CCDC192: variants seen among roughly 807,000 people sequenced by gnomAD.
CCDC192 encodes the protein coiled-coil domain-containing protein 192.
intron 2 of CCDC192, among the ~76,000 whole-genome samples, chr5:127,751,519 G>A (rs9763035): frequency 4.6e-5 from 7 of 152,016 alleles, no homozygotes; most frequent in Non-Finnish European, 1.0e-4. Context: ...TGAGGGTAAC[G>A]TGACCTTTCT....
intron 5 of CCDC192, among the ~76,000 whole-genome samples, chr5:127,822,023 T>A (rs1033967193): frequency 6.6e-6 from 1 of 152,216 alleles, no homozygotes; most frequent in Non-Finnish European, 1.5e-5. Flanking sequence ...AACTCTGGCA[T>A]TTTCCTCCGC....
chr5:127,739,809 C>T (rs1484285735), intron 2 of CCDC192: 1 of 152,982 alleles, frequency 6.5e-6, no homozygotes, highest in African/African-American at 2.4e-5. Context: ...TGTGCGCACC[C>T]ACTGACCTGC....
chr5:127,824,211 TA>T (rs1749421242), intron 5 of CCDC192, among the ~76,000 whole-genome samples: 1 of 152,170 alleles, frequency 6.6e-6, no homozygotes, highest in South Asian at 2.1e-4. Flanking sequence ...CTTGAGACAC[TA>T]ACAATAATAT....
At chr5:127,864,976 T>C (rs1048902930) in intron 5 of CCDC192, among the ~76,000 whole-genome samples, 1 of 152,122 alleles carries the variant, frequency 6.6e-6, no homozygotes, top group African/African-American at 2.4e-5. Context: ...TGAAACCCCG[T>C]CTCTATTAAA....
intron 5 of CCDC192, among the ~76,000 whole-genome samples, chr5:127,822,489 T>C (rs1201140628): frequency 6.6e-6 from 1 of 152,016 alleles, no homozygotes; most frequent in African/African-American, 2.4e-5. Flanking sequence ...GCAAATAAAC[T>C]TGTAAATATA....
At chr5:127,820,279 G>A (rs965062057) in intron 5 of CCDC192, among the ~76,000 whole-genome samples, 1 of 152,178 alleles carries the variant, frequency 6.6e-6, no homozygotes, top group African/African-American at 2.4e-5. Context: ...TAATATAAAG[G>A]CATATAAATT....
At chr5:127,845,614 A>G (rs1294244822) in intron 5 of CCDC192, among the ~76,000 whole-genome samples, 1 of 152,204 alleles carries the variant, frequency 6.6e-6, no homozygotes, top group Non-Finnish European at 1.5e-5. Context: ...TCATCAAGCA[A>G]ATCATTTCAA....
At chr5:127,914,001 AG>A (rs566026719) in intron 6 of CCDC192, among the ~76,000 whole-genome samples, 33 of 152,298 alleles carry the variant, frequency 2.2e-4, no homozygotes, top group Non-Finnish European at 3.2e-4. Flanking sequence ...AAAAATGGAG[AG>A]GGGGGTAGAA....
At chr5:127,778,138 G>A (rs151222968) in intron 3 of CCDC192, among the ~76,000 whole-genome samples, 2 of 152,098 alleles carry the variant, frequency 1.3e-5, no homozygotes, top group Non-Finnish European at 2.9e-5. Flanking sequence ...GCTCTAGCTA[G>A]GACTTTCAGT....
At chr5:127,764,326 A>G (rs181889605) in intron 3 of CCDC192, among the ~76,000 whole-genome samples, 178 of 152,322 alleles carry the variant, frequency 1.2e-3, no homozygotes, top group African/African-American at 3.6e-3. Flanking sequence ...TTATTGGTGG[A>G]GAGAAGACAG....
intron 3 of CCDC192, among the ~76,000 whole-genome samples, chr5:127,754,645 C>T (rs568033874): frequency 7.9e-5 from 12 of 152,098 alleles, no homozygotes; most frequent in Non-Finnish European, 1.8e-4. Context: ...ATTTGACTTT[C>T]ATTCACCACA....
chr5:127,793,802 T>C (rs1757014230), intron 3 of CCDC192, among the ~76,000 whole-genome samples: 1 of 152,202 alleles, frequency 6.6e-6, no homozygotes, highest in Admixed American at 6.5e-5. Context: ...CTTTTCTTAC[T>C]TGTGGTCAAG....
chr5:127,828,363 A>G (rs1268048069), intron 5 of CCDC192, among the ~76,000 whole-genome samples: 3 of 152,244 alleles, frequency 2.0e-5, no homozygotes, highest in Admixed American at 1.3e-4. Flanking sequence ...GGAAAAATGC[A>G]TCACACCTTT....
At chr5:127,865,718 C>A (rs567074705) in intron 5 of CCDC192, among the ~76,000 whole-genome samples, 2 of 150,920 alleles carry the variant, frequency 1.3e-5, no homozygotes, top group East Asian at 3.9e-4. Context: ...TTGGGAGGGA[C>A]TATAAAATAT....
At chr5:127,706,835 A>C (rs1750994467) in intron 1 of CCDC192, among the ~76,000 whole-genome samples, 1 of 152,214 alleles carries the variant, frequency 6.6e-6, no homozygotes, top group African/African-American at 2.4e-5. Flanking sequence ...TGAGGGGTTA[A>C]ATTTTAAATG....
At position 127,736,934 on chromosome 5, in the gene CCDC192, T is replaced by C. The variant is rs1253710283; in HGVS notation, c.115-17334T>C. On this transcript the variant is annotated intron_variant, in intron 2 of 6. Transcript: ENST00000514853. ...TTTTTTGTGTCTCTATTTCCTTCAGTTCTGCTCAGATTTTAGTTATTTCTT... is the reference window on the plus strand; with the variant it reads ...TTTTTTGTGTCTCTATTTCCTTCAGCTCTGCTCAGATTTTAGTTATTTCTT... Among the ~76,000 whole-genome samples the C allele has an allele frequency of 9.2e-5, 14 of 151,414 alleles. No individual in the cohort carries two copies. In the East Asian group the frequency reaches 2.7e-3, roughly 29 times the overall value.
chr5:127,926,986 C>T (rs1412732245), intron 6 of CCDC192, among the ~76,000 whole-genome samples: 1 of 152,044 alleles, frequency 6.6e-6, no homozygotes, highest in African/African-American at 2.4e-5. Context: ...GTCAACAGGG[C>T]AAATGTTTAG....
At chr5:127,717,127 A>AAT (rs111568624) in intron 2 of CCDC192, among the ~76,000 whole-genome samples, 6 of 152,320 alleles carry the variant, frequency 3.9e-5, no homozygotes, top group African/African-American at 1.4e-4. Flanking sequence ...AATCTTTCTT[A>AAT]ATATATATAA....
chr5:127,915,099 G>A (rs749743559), intron 6 of CCDC192, among the ~76,000 whole-genome samples: 2 of 152,086 alleles, frequency 1.3e-5, no homozygotes, highest in African/African-American at 4.8e-5. Flanking sequence ...CCGGGAACCA[G>A]AATAAAGTGA....
Sources: gnomAD v4.1 joint callset for allele counts (sites outside exome capture counted in the v4.1 genomes callset) on GRCh38, gnomAD v4.1.1 for gene constraint, MANE v1.5 for transcripts, NCBI Gene and HGNC (gene_info 2026-07-23, HGNC 2026-07-21) for gene names.